Variants in ATP12A observed in about 807,000 individuals in gnomAD.
ATP12A encodes ATPase H+/K+ transporting non-gastric alpha2 subunit, also known as potassium-transporting ATPase alpha chain 2.
In ATP12A, 81 loss-of-function variants were observed where a neutral mutation model predicts 111.2. The ratio of observed to expected loss-of-function variants is 0.73; its 90% confidence interval spans 0.61 to 0.88. The LOEUF (loss-of-function observed/expected upper bound fraction) is 0.88. Ranked by LOEUF, ATP12A falls within the 40% of genes least tolerant of loss-of-function variation. The pLI is 0.00. For missense variants in ATP12A, 1,196 were observed against 1,313.1 expected (o/e 0.91, Z 1.38); for synonymous variants, 498 against 499.8 (o/e 1.00, Z 0.05).
chr13:24,709,358 C>G lies in ATP12A; in HGVS notation c.2494-6C>G. On this transcript the variant is annotated splice_region_variant and splice_polypyrimidine_tract_variant and intron_variant, in intron 17 of 22. Coordinates refer to ENST00000381946, the MANE Select transcript of ATP12A (RefSeq NM_001676.7). ...GGTTAGACCTCACCAGCCTCTTCCC[C>G]TCTAGATCCCCTCCATTGCCTTGGC... 1.2e-6 allele frequency: 2 copies of G among 1,609,570 alleles called. No individual in the cohort carries two copies. The highest frequency in any genetic ancestry group is 1.7e-6 in the Non-Finnish European group (2 of 1,178,488).
chr13:24,708,960 A>AGAAAGAAAGAAAGAAAGAAG (rs1491180845), intron 17 of ATP12A, among the ~76,000 whole-genome samples: 1 of 126,434 alleles, frequency 7.9e-6, no homozygotes, highest in African/African-American at 2.8e-5. Context: ...AAAGAAAGAA[A>AGAAAGAAAGAAAGAAAGAAG]GAAGGAAAGA....
At chr13:24,689,858 C>T (rs9578771) in intron 5 of ATP12A, among the ~76,000 whole-genome samples, 20,911 of 152,060 alleles carry the variant, frequency 0.14, 1,500 homozygotes, top group Middle Eastern at 0.23. Context: ...GTGGAAAAGA[C>T]GCCTCCTGCC....
At chr13:24,708,131 G>A (rs1401339237) in intron 17 of ATP12A, among the ~76,000 whole-genome samples, 2 of 152,200 alleles carry the variant, frequency 1.3e-5, no homozygotes, top group Non-Finnish European at 2.9e-5. Context: ...GCCACCTCTT[G>A]TTAAGTAAGA....
At chr13:24,686,711 C>G (rs1194557512) in intron 3 of ATP12A, among the ~76,000 whole-genome samples, 1 of 151,826 alleles carries the variant, frequency 6.6e-6, no homozygotes, top group Non-Finnish European at 1.5e-5. Flanking sequence ...TGCCCTCCAG[C>G]CTGGGCGACA....
intron 10 of ATP12A, among the ~76,000 whole-genome samples, chr13:24,693,294 A>T (rs1028360059): frequency 1.3e-5 from 2 of 152,144 alleles, no homozygotes; most frequent in African/African-American, 4.8e-5. Context: ...ACAAAGCTCT[A>T]AGGGGTCCTG....
At chr13:24,700,699 C>A in intron 12 of ATP12A, 48 bp from the exon 13 acceptor site, 1 of 1,543,374 alleles carries the variant, frequency 6.5e-7, no homozygotes, top group South Asian at 1.2e-5. Context: ...TATTTTTTTT[C>A]GTTTCCTATT....
rs1876009210 is a variant in ATP12A at position 24,712,343 on chromosome 13, G to A, written c.*821G>A. 1 of 152,160 alleles carries A rather than the reference G, an allele frequency of 6.6e-6. No individual in the cohort carries two copies. The highest frequency in any genetic ancestry group is 1.5e-5 in the Non-Finnish European group (1 of 68,044). The allele number at this position is 152,160 out of a possible 1,614,324, so 9.4% of individuals were successfully genotyped here. ...TTATTTCTTGTAAAACAGTTGCCAG[G>A]TGCTCTCCAGCAATAACGTTTTGTC... On this transcript the variant is annotated 3_prime_UTR_variant, in exon 23 of 23. Transcript: ENST00000381946.
chr13:24,690,826 G>T, intron 7 of ATP12A, 105 bp downstream of exon 7: 2 of 1,446,020 alleles, frequency 1.4e-6, no homozygotes, highest in Non-Finnish European at 9.5e-7. Context: ...GCTCATCCCA[G>T]AGGAAGCATG....
intron 9 of ATP12A, 68 bp downstream of exon 9, chr13:24,692,695 C>A: frequency 6.3e-7 from 1 of 1,598,244 alleles, no homozygotes; most frequent in Non-Finnish European, 8.6e-7. Context: ...GCTGAGCACA[C>A]AGCAGGGTCT....
In ATP12A at chr13:24,691,002, A is replaced by G; in HGVS notation, c.820A>G (p.Ile274Val). ...TGTAGGCACTGTCACCGGCATGGTT[A>G]TCAACACGGGTGACCGCACCATCAT... ...CLEGTVTGMV[I>V]NTGDRTIIGH... Residue 274 changes from isoleucine to valine, a missense_variant, in exon 8 of 23, where the codon ATC (isoleucine) becomes GTC (valine). Ile to Val is a conservative substitution (Grantham distance 29). Coordinates refer to ENST00000381946, the MANE Select transcript of ATP12A (RefSeq NM_001676.7). 1 of 1,614,184 alleles carries G rather than the reference A, an allele frequency of 6.2e-7. No homozygotes were observed. The highest frequency in any genetic ancestry group is 8.5e-7 in the Non-Finnish European group (1 of 1,180,028).
At position 24,706,400 on chromosome 13, in the gene ATP12A, G is replaced by A. The variant is rs1875640142; in HGVS notation, c.2106G>A (p.Glu702=). 1.2e-6 allele frequency: 2 copies of A among 1,614,146 alleles called. No homozygotes were observed. Among genetic ancestry groups the A allele is most frequent in the African/African-American group, 1.3e-5 (1 of 74,954 alleles). The change falls in exon 15 of 23, where the codon GAG becomes GAA. Residue 702 remains glutamate, a synonymous_variant. Coordinates refer to ENST00000381946, the MANE Select transcript of ATP12A (RefSeq NM_001676.7). The part of the protein sequence containing the change: ...QLDEILANYQ[E]IVFARTSPQQ... ...ATGAGATCTTAGCCAACTACCAGGA[G>A]ATTGTCTTTGCCCGGACATCCCCCC...
At chr13:24,693,632 A>G (rs1292075111) in intron 10 of ATP12A, among the ~76,000 whole-genome samples, 1 of 152,208 alleles carries the variant, frequency 6.6e-6, no homozygotes, top group Non-Finnish European at 1.5e-5. Context: ...AGTTGCACAA[A>G]TCATGCTTGT....
At chr13:24,699,067 T>A (rs944656882) in intron 12 of ATP12A, among the ~76,000 whole-genome samples, 1 of 152,108 alleles carries the variant, frequency 6.6e-6, no homozygotes, top group African/African-American at 2.4e-5. Flanking sequence ...GAAGACTTTA[T>A]GGAAGGAGTT....
At chr13:24,702,961 T>C (rs1174513299) in intron 14 of ATP12A, among the ~76,000 whole-genome samples, 1 of 152,184 alleles carries the variant, frequency 6.6e-6, no homozygotes, top group Non-Finnish European at 1.5e-5. Context: ...ATGCGGGAGA[T>C]GAGGGAAAGA....
intron 13 of ATP12A, 131 bp from the exon 14 acceptor site, chr13:24,701,804 T>C (rs1593140705): frequency 8.4e-7 from 1 of 1,196,366 alleles, no homozygotes; most frequent in South Asian, 1.4e-5. Context: ...GTCTCGTAGA[T>C]CCAGAGCTGC....
chr13:24,706,763 A>G (rs548847315), intron 15 of ATP12A, among the ~76,000 whole-genome samples: 1 of 152,208 alleles, frequency 6.6e-6, no homozygotes, highest in African/African-American at 2.4e-5. Context: ...AAATGCAAAG[A>G]TTTAAAACAA....
intron 17 of ATP12A, among the ~76,000 whole-genome samples, chr13:24,708,880 GA>G (rs1875790094): frequency 7.7e-6 from 1 of 129,592 alleles, no homozygotes; most frequent in Non-Finnish European, 1.7e-5. Context: ...GAGAAAGAGA[GA>G]GAAAGAGAAA....
At position 24,680,634 on chromosome 13, in the gene ATP12A, C is replaced by G. The variant is rs985109877; in HGVS notation, c.-110C>G. The G allele has an allele frequency of 1.5e-6, 2 of 1,333,434 alleles. No homozygotes were observed. Among genetic ancestry groups the G allele is most frequent in the South Asian group, 2.6e-5 (2 of 75,838 alleles). 82.6% of individuals were successfully genotyped at this position (1,333,434 alleles called of 1,614,324 possible). A position where few individuals can be genotyped will look rare whatever the true frequency, so the allele number is the denominator to read the frequency against. On this transcript the variant is annotated 5_prime_UTR_variant, in exon 1 of 23. Coordinates refer to ENST00000381946, the MANE Select transcript of ATP12A (RefSeq NM_001676.7). ...CCGCCGGTATCTCCACCGCCAACAC[C>G]TCAGCCACTGCCACTGCCACAGCCA...
Position 24,709,766 on chromosome 13 carries a change from C to T in ATP12A, c.2701C>T (p.Leu901=), listed in dbSNP as rs370259791. The T allele has an allele frequency of 4.3e-6, 7 of 1,614,132 alleles. No homozygotes were observed. The African/African-American group carries it at 8.0e-5, about 18-fold the overall frequency. Reference sequence around the variant, plus strand: ...CTTTCTGCCCCGCACTCTCATTAACCTGCGGGTAGAATGGGAGAAGGACTA... The same window carrying T: ...CTTTCTGCCCCGCACTCTCATTAACTTGCGGGTAGAATGGGAGAAGGACTA... The part of the protein sequence containing the change: ...EGFLPRTLIN[L]RVEWEKDYVN... Residue 901 remains leucine, a synonymous_variant, in exon 19 of 23, where the codon CTG becomes TTG. Coordinates refer to ENST00000381946, the MANE Select transcript of ATP12A (RefSeq NM_001676.7).
Sources: gnomAD v4.1 joint callset for allele counts (sites outside exome capture counted in the v4.1 genomes callset) on GRCh38, gnomAD v4.1.1 for gene constraint, MANE v1.5 for transcripts, NCBI Gene and HGNC (gene_info 2026-07-23, HGNC 2026-07-21) for gene names.